The following OTUD7A variants were observed in gnomAD, a reference collection of about 807,000 sequenced individuals.
The protein encoded by OTUD7A is OTU deubiquitinase 7A.
Under a neutral mutation model 65.7 loss-of-function variants are expected in OTUD7A, and 12 were observed. That is an observed-to-expected ratio of 0.18 (90% CI 0.12 to 0.30). OTUD7A has a LOEUF of 0.30. Among genes scored for constraint, OTUD7A ranks in the 10% least tolerant of loss-of-function variants. The pLI, the probability that OTUD7A is intolerant of heterozygous loss-of-function variation, is 1.00. For missense variants in OTUD7A, 1,148 were observed against 1,304.8 expected, an observed-to-expected ratio of 0.88 and a Z score of 1.85; for synonymous variants, 641 against 586.3, an observed-to-expected ratio of 1.09 and a Z score of -1.35.
intron 1 of OTUD7A, among the ~76,000 whole-genome samples, chr15:31,772,406 T>C (rs1320545605): frequency 6.6e-6 from 1 of 152,180 alleles, no homozygotes; most frequent in East Asian, 1.9e-4. Flanking sequence ...TGACAGATAG[T>C]TGGCAAGGGT....
At chr15:31,817,247 G>A (rs1390953588) in intron 1 of OTUD7A, among the ~76,000 whole-genome samples, 2 of 147,936 alleles carry the variant, frequency 1.4e-5, no homozygotes, top group Non-Finnish European at 3.0e-5. Context: ...AGTTTCTCCT[G>A]TTTGTATTAC....
At chr15:31,518,272 G>A (rs1235422630) in intron 8 of OTUD7A, among the ~76,000 whole-genome samples, 5 of 152,084 alleles carry the variant, frequency 3.3e-5, no homozygotes, top group African/African-American at 9.7e-5. Context: ...AGGAGATCGA[G>A]ACCATCCTGG....
rs1316762101 is a variant in OTUD7A, at chr15:31,484,219, T to C, written c.1877A>G (p.Lys626Arg). ...GDAWKYSTDVKLSLNILRAAM... is the reference protein window; with the variant it reads ...GDAWKYSTDVRLSLNILRAAM... The stretch of plus-strand genomic sequence containing the variant: ...GGCGCGCAGGATGTTGAGGCTCAGC[T>C]TCACATCCGTGCTGTACTTCCAGGC... Residue 626 changes from lysine (K) to arginine (R), a missense_variant, in exon 13 of 13, where the codon AAG becomes AGG. Physicochemically the swap from Lys to Arg is conservative, Grantham distance 26. Transcript: ENST00000307050. The surrounding 1 kb of genome is among the most constrained non-coding windows in gnomAD (Gnocchi z 4.5). The C allele has an allele frequency of 9.3e-6, 15 of 1,607,412 alleles. No homozygotes were observed. The highest frequency in any genetic ancestry group is 1.3e-5 in the Non-Finnish European group (15 of 1,178,546).
intron 8 of OTUD7A, among the ~76,000 whole-genome samples, chr15:31,515,552 A>G (rs1164343048): frequency 2.6e-5 from 4 of 152,054 alleles, no homozygotes; most frequent in South Asian, 4.1e-4. Context: ...ACATCTACCA[A>G]CCTATCCATC....
At chr15:31,817,278 C>CT (rs1555421119) in intron 1 of OTUD7A, among the ~76,000 whole-genome samples, 1 of 146,692 alleles carries the variant, frequency 6.8e-6, no homozygotes, top group Non-Finnish European at 1.5e-5. Context: ...ATCATTTGCC[C>CT]CCCCCCATCA....
intron 12 of OTUD7A, among the ~76,000 whole-genome samples, chr15:31,486,808 T>G (rs534390175): frequency 3.3e-4 from 51 of 152,392 alleles, no homozygotes; most frequent in African/African-American, 1.1e-3. Context: ...TGTTCTGATC[T>G]TAGCAGATAG....
chr15:31,751,895 G>A (rs942398466), intron 1 of OTUD7A, among the ~76,000 whole-genome samples: 4 of 152,122 alleles, frequency 2.6e-5, no homozygotes, highest in African/African-American at 4.8e-5. Flanking sequence ...AACTCCAAAG[G>A]AAGAGAAGGA....
chr15:31,502,555 A>C (rs565806133), intron 9 of OTUD7A, among the ~76,000 whole-genome samples: 2 of 152,320 alleles, frequency 1.3e-5, no homozygotes, highest in South Asian at 4.1e-4. Flanking sequence ...ATGAACTCTT[A>C]TGAGTTCCTC....
intron 1 of OTUD7A, among the ~76,000 whole-genome samples, chr15:31,726,910 A>G (rs571083162): frequency 6.6e-6 from 1 of 152,260 alleles, no homozygotes; most frequent in African/African-American, 2.4e-5. Flanking sequence ...ACAGAAAAAC[A>G]CATGCGGCCT....
intron 12 of OTUD7A, among the ~76,000 whole-genome samples, chr15:31,486,892 CAAAA>C (rs1355560575): frequency 6.6e-6 from 1 of 152,144 alleles, no homozygotes; most frequent in African/African-American, 2.4e-5. Context: ...AATAGGGGGA[CAAAA>C]AATCCCTTTA....
chr15:31,822,439 C>T (rs1372849777), intron 1 of OTUD7A, among the ~76,000 whole-genome samples: 1 of 152,188 alleles, frequency 6.6e-6, no homozygotes, highest in East Asian at 1.9e-4. Flanking sequence ...ACAAAGAAAA[C>T]AAGAAATTCG....
At chr15:31,797,359 T>C (rs1206058153) in intron 1 of OTUD7A, among the ~76,000 whole-genome samples, 1 of 152,214 alleles carries the variant, frequency 6.6e-6, no homozygotes, top group Non-Finnish European at 1.5e-5. Flanking sequence ...TTAGGTTCCA[T>C]AAAGCAGCAA....
chr15:31,652,579 C>T (rs1206142710), intron 3 of OTUD7A, among the ~76,000 whole-genome samples: 2 of 152,066 alleles, frequency 1.3e-5, no homozygotes, highest in Non-Finnish European at 2.9e-5. Context: ...TCACAAATCA[C>T]AAATCTGAAC....
At chr15:31,629,964 C>G (rs962455726) in intron 3 of OTUD7A, among the ~76,000 whole-genome samples, 1 of 151,738 alleles carries the variant, frequency 6.6e-6, no homozygotes, top group Non-Finnish European at 1.5e-5. Flanking sequence ...TTTATTGTGT[C>G]TATTTGATTC....
chr15:31,718,113 C>T (rs1339834911), intron 1 of OTUD7A, among the ~76,000 whole-genome samples: 2 of 152,198 alleles, frequency 1.3e-5, no homozygotes, highest in Non-Finnish European at 2.9e-5. Flanking sequence ...CTGTGAACCA[C>T]CTCAGGGACA....
intron 2 of OTUD7A, among the ~76,000 whole-genome samples, chr15:31,656,603 G>A (rs1228971919): frequency 2.0e-5 from 3 of 152,034 alleles, no homozygotes; most frequent in Non-Finnish European, 4.4e-5. Flanking sequence ...TACATATTGT[G>A]GGGTGAGTTT....
intron 3 of OTUD7A, among the ~76,000 whole-genome samples, chr15:31,605,254 T>C (rs547793709): frequency 7.2e-5 from 11 of 152,250 alleles, no homozygotes; most frequent in African/African-American, 2.6e-4. Context: ...TGTTGGGTTA[T>C]GTGTGCACAG....
chr15:31,484,538 C>A lies in OTUD7A; in HGVS notation c.1558G>T (p.Val520Leu). 6.2e-7 allele frequency: 1 copy of A among 1,611,222 alleles called. No homozygotes were observed. Among genetic ancestry groups the A allele is most frequent in the South Asian group, 1.1e-5 (1 of 91,074 alleles). ...CTGAAGCTGCCCAGCTTGTTGGCCACGGAGTCGGCGCGCGTCTTGTCCTTC... is the reference window on the plus strand; with the variant it reads ...CTGAAGCTGCCCAGCTTGTTGGCCAAGGAGTCGGCGCGCGTCTTGTCCTTC... ...KEKDKTRADS[V>L]ANKLGSFSKT... The change falls in exon 13 of 13, where the codon GTG becomes TTG. Residue 520 changes from valine to leucine, a missense_variant. Physicochemically the swap from Val to Leu is conservative, Grantham distance 32 (BLOSUM62 1). Around this residue, in one of 6 missense-constraint regions of OTUD7A, gnomAD observed 842 missense variants for 769.5 expected, o/e 1.09. Transcript: ENST00000307050. This position sits in a 1 kb window ranked among gnomAD's most constrained non-coding sequence, Gnocchi z 4.5.
At chr15:31,619,392 C>A (rs2141233708) in intron 3 of OTUD7A, among the ~76,000 whole-genome samples, 1 of 152,324 alleles carries the variant, frequency 6.6e-6, no homozygotes, top group African/African-American at 2.4e-5. Flanking sequence ...GATATTGATT[C>A]TTCCTATCCA....
Sources: allele counts gnomAD v4.1 joint callset (sites outside exome capture counted in the v4.1 genomes callset), GRCh38; gene constraint gnomAD v4.1.1; regional missense constraint gnomAD v4.1.1; non-coding constraint Gnocchi (gnomAD v3.1); transcripts MANE v1.5; gene names NCBI Gene and HGNC (gene_info 2026-07-23, HGNC 2026-07-21).